Variants in LHFPL3 observed in about 807,000 individuals in gnomAD.
The protein encoded by LHFPL3 is LHFPL tetraspan subfamily member 3 protein.
A neutral mutation model predicts 19.3 loss-of-function variants in LHFPL3; 5 were observed. That is an observed-to-expected ratio of 0.26 (90% CI 0.14 to 0.54). The LOEUF (loss-of-function observed/expected upper bound fraction) is 0.54, where lower values mean the gene tolerates loss of function less well. Ranked by LOEUF, LHFPL3 falls within the 20% of genes least tolerant of loss-of-function variation. LHFPL3 has a pLI of 0.94. For synonymous variants in LHFPL3, 133 were observed against 126.2 expected, an observed-to-expected ratio of 1.05 and a Z score of -0.36; for missense variants, 249 against 307.4, an observed-to-expected ratio of 0.81 and a Z score of 1.42.
Position 104,329,156 on chromosome 7 carries a change from T to A in LHFPL3, c.377T>A (p.Phe126Tyr). Residue 126 changes from phenylalanine (F) to tyrosine (Y), a missense_variant, in exon 1 of 3, where the codon TTT becomes TAT. Phe to Tyr is a conservative substitution (Grantham distance 22). Coordinates refer to ENST00000424859, the MANE Select transcript of LHFPL3 (RefSeq NM_199000.3). Reference protein sequence around the residue: ...MMLIIACIICFTLFFFCNTAT... With the variant: ...MMLIIACIICYTLFFFCNTAT... Reference sequence around the variant, plus strand: ...CTCATCATTGCCTGCATCATTTGCTTTACCCTCTTCTTCTTCTGCAACACG... The same window carrying A: ...CTCATCATTGCCTGCATCATTTGCTATACCCTCTTCTTCTTCTGCAACACG... The A allele has an allele frequency of 6.2e-7, 1 of 1,614,058 alleles. No individual in the cohort carries two copies. Among genetic ancestry groups the A allele is most frequent in the Non-Finnish European group, 8.5e-7 (1 of 1,179,892 alleles).
At chr7:104,719,156 T>C (rs1334018085) in intron 1 of LHFPL3, among the ~76,000 whole-genome samples, 1 of 152,150 alleles carries the variant, frequency 6.6e-6, no homozygotes, top group African/African-American at 2.4e-5. Flanking sequence ...TTTCAAAAAA[T>C]AAAGCTTTAC....
chr7:104,557,906 C>G (rs1037613561), intron 1 of LHFPL3, among the ~76,000 whole-genome samples: 1 of 150,720 alleles, frequency 6.6e-6, no homozygotes, highest in South Asian at 2.1e-4. Context: ...TCAATTCCCA[C>G]CTATGAATGA....
chr7:104,791,518 C>G (rs1342834064), intron 2 of LHFPL3, among the ~76,000 whole-genome samples: 5 of 152,038 alleles, frequency 3.3e-5, no homozygotes, highest in Non-Finnish European at 5.9e-5. Context: ...AGGGGTCTTC[C>G]CACCCATCTG....
At chr7:104,517,872 G>A (rs1286353604) in intron 1 of LHFPL3, among the ~76,000 whole-genome samples, 1 of 152,062 alleles carries the variant, frequency 6.6e-6, no homozygotes, top group Non-Finnish European at 1.5e-5. Flanking sequence ...GTTACAGGGT[G>A]GGGACCTGGG....
chr7:104,729,419 A>G (rs1202604657), intron 1 of LHFPL3, among the ~76,000 whole-genome samples: 1 of 152,152 alleles, frequency 6.6e-6, no homozygotes, highest in Non-Finnish European at 1.5e-5. Context: ...GTATAATATA[A>G]TGTTGTTAAC....
In LHFPL3 at chr7:104,551,892, G is replaced by A. The variant is rs556652406; in HGVS notation, c.446-184783G>A. Among the ~76,000 whole-genome samples, 2 of 152,106 alleles carry A rather than the reference G, an allele frequency of 1.3e-5. 1 individual carries two copies. The highest frequency in any genetic ancestry group is 4.8e-5 in the African/African-American group (2 of 41,406). Reference sequence around the variant, plus strand: ...TATTTTTCAGCAACTTGGACATCTGGTCATTTACTTGTTTCATGGTGTGCT... The same window carrying A: ...TATTTTTCAGCAACTTGGACATCTGATCATTTACTTGTTTCATGGTGTGCT... On this transcript the variant is annotated intron_variant, in intron 1 of 2. Transcript: ENST00000424859.
At chr7:104,674,520 C>T (rs1792555152) in intron 1 of LHFPL3, among the ~76,000 whole-genome samples, 1 of 152,010 alleles carries the variant, frequency 6.6e-6, no homozygotes. Context: ...AGGTGCCTGC[C>T]ACCAAGCCCA....
At chr7:104,659,886 T>C (rs1792192068) in intron 1 of LHFPL3, among the ~76,000 whole-genome samples, 1 of 152,168 alleles carries the variant, frequency 6.6e-6, no homozygotes, top group Non-Finnish European at 1.5e-5. Flanking sequence ...AGTAGCCCCC[T>C]GGTGTGCCTG....
chr7:104,494,974 T>G (rs1793431872), intron 1 of LHFPL3, among the ~76,000 whole-genome samples: 1 of 152,092 alleles, frequency 6.6e-6, no homozygotes, highest in Non-Finnish European at 1.5e-5. Flanking sequence ...AACACACCAG[T>G]TTCCACTTCC....
chr7:104,847,129 C>T (rs1447262767), intron 2 of LHFPL3, among the ~76,000 whole-genome samples: 1 of 152,186 alleles, frequency 6.6e-6, no homozygotes, highest in Non-Finnish European at 1.5e-5. Context: ...ATGTGGCAAG[C>T]TCCGGTTTGG....
rs542279389 is a variant in LHFPL3, at chr7:104,570,746, AT to A, written c.446-165928del. ...GAAAGTTTGTTACGTAGGTAAACTCATATCACGGGGGTTTGTTGTACAGATT... is the reference window on the plus strand; with the variant it reads ...GAAAGTTTGTTACGTAGGTAAACTCAATCACGGGGGTTTGTTGTACAGATT... On this transcript the variant is annotated intron_variant, in intron 1 of 2. Transcript: ENST00000424859. 2.8e-3 allele frequency among the ~76,000 whole-genome samples: 430 copies of A among 152,208 alleles called. 3 individuals carry two copies. Among genetic ancestry groups the A allele is most frequent in the Non-Finnish European group, 5.1e-3 (348 of 68,002 alleles).
chr7:104,786,723 T>TGTGTGTGCGC (rs1554344764), intron 2 of LHFPL3: 1 of 150,696 alleles, frequency 6.6e-6, no homozygotes. Flanking sequence ...TGTGTGTACG[T>TGTGTGTGCGC]GCTATATAAA....
At chr7:104,444,855 G>A (rs1328089482) in intron 1 of LHFPL3, among the ~76,000 whole-genome samples, 7 of 152,110 alleles carry the variant, frequency 4.6e-5, no homozygotes, top group African/African-American at 1.4e-4. Flanking sequence ...AGGTATGATG[G>A]CGCATGTCTG....
At chr7:104,633,362 TCTGA>T (rs1286075103) in intron 1 of LHFPL3, among the ~76,000 whole-genome samples, 1 of 152,206 alleles carries the variant, frequency 6.6e-6, no homozygotes, top group African/African-American at 2.4e-5. Flanking sequence ...AGGCATTTTG[TCTGA>T]CTATTTCTAC....
chr7:104,562,276 G>A (rs546573071), intron 1 of LHFPL3, among the ~76,000 whole-genome samples: 25 of 151,910 alleles, frequency 1.6e-4, no homozygotes, highest in African/African-American at 5.3e-4. Context: ...CCTGCAGAGT[G>A]TTTTCCAACT....
At chr7:104,427,017 A>C (rs1170037165) in intron 1 of LHFPL3, among the ~76,000 whole-genome samples, 1 of 152,218 alleles carries the variant, frequency 6.6e-6, no homozygotes, top group Non-Finnish European at 1.5e-5. Flanking sequence ...ACTAATAAAT[A>C]GTTATAGAGT....
intron 1 of LHFPL3, among the ~76,000 whole-genome samples, chr7:104,378,593 A>C (rs1014212335): frequency 6.6e-6 from 1 of 152,156 alleles, no homozygotes; most frequent in African/African-American, 2.4e-5. Context: ...TGATAAGTGC[A>C]TGTTTTAACT....
chr7:104,864,084 AAACTTC>A (rs1213501623), intron 2 of LHFPL3, among the ~76,000 whole-genome samples: 2 of 152,372 alleles, frequency 1.3e-5, no homozygotes, highest in Admixed American at 1.3e-4. Context: ...GGTTGATTGT[AAACTTC>A]AACAAATAAA....
intron 1 of LHFPL3, chr7:104,668,704 G>A (rs1584470841): frequency 8.1e-6 from 13 of 1,604,736 alleles, no homozygotes; most frequent in South Asian, 3.3e-5. Context: ...GATTATAGGC[G>A]TGATGATAGA....
Sources: gnomAD v4.1 joint callset for allele counts (sites outside exome capture counted in the v4.1 genomes callset) on GRCh38, gnomAD v4.1.1 for gene constraint, MANE v1.5 for transcripts, NCBI Gene and HGNC (gene_info 2026-07-23, HGNC 2026-07-21) for gene names.